Variants in ZNF704 observed in about 807,000 individuals in gnomAD.
The protein encoded by ZNF704 is zinc finger protein 704, also known as glucocorticoid induced gene 1.
In ZNF704, 10 loss-of-function variants were observed where a neutral mutation model predicts 44.7. The ratio of observed to expected loss-of-function variants is 0.22; its 90% CI spans 0.14 to 0.38. ZNF704 has a LOEUF of 0.38. ZNF704 is among the 10% of genes least tolerant of loss of function. The probability of loss-of-function intolerance (pLI) is 1.00; values close to 1 mark genes in which losing one functional copy is unlikely to be tolerated. For synonymous variants in ZNF704, 211 were observed against 207.6 expected, an observed-to-expected ratio of 1.02 and a Z score of -0.14; for missense variants, 390 against 545.5, an observed-to-expected ratio of 0.71 and a Z score of 2.84.
rs1819001486 is a variant in ZNF704, at chr8:80,712,427, A to G, written c.222-19320T>C. ...TATAGACTATTTTTTTTAAAAAGGG[A>G]ATTAGCATGAAATTGAAGGAAACTT... On this transcript the variant is annotated intron_variant, in intron 2 of 8. Coordinates refer to ENST00000327835, the MANE Select transcript of ZNF704 (RefSeq NM_001033723.3). Among the ~76,000 whole-genome samples the G allele has an allele frequency of 3.3e-5, 5 of 152,252 alleles. No homozygotes were observed. The South Asian group carries it at 1.0e-3, about 32-fold the overall frequency.
chr8:80,765,258 C>T (rs1285522425), intron 2 of ZNF704, among the ~76,000 whole-genome samples: 1 of 152,128 alleles, frequency 6.6e-6, no homozygotes, highest in Non-Finnish European at 1.5e-5. Context: ...TTTGTTCTCT[C>T]CAGGCCCCCA....
intron 1 of ZNF704, among the ~76,000 whole-genome samples, chr8:80,845,485 C>G (rs983223322): frequency 1.3e-5 from 2 of 152,212 alleles, no homozygotes; most frequent in African/African-American, 2.4e-5. Context: ...CTGCATCCCT[C>G]TGTTAAGGAC....
chr8:80,667,802 T>C (rs192036262), intron 5 of ZNF704, among the ~76,000 whole-genome samples: 2 of 152,318 alleles, frequency 1.3e-5, no homozygotes, highest in East Asian at 3.9e-4. Context: ...CACATTCTAG[T>C]TGTGTGCATG....
chr8:80,835,437 G>A (rs186511049), intron 1 of ZNF704, among the ~76,000 whole-genome samples: 102 of 152,234 alleles, frequency 6.7e-4, no homozygotes, highest in African/African-American at 2.4e-3. Context: ...ATGATCTTGA[G>A]AGCTTCAATA....
rs539724483 is a variant in ZNF704 at position 80,781,587 on chromosome 8, T to G, written c.221+39787A>C. Reference sequence around the variant, plus strand: ...AGTGCTGCACTTTGCGAATCGCTGCTTTAAATGTTAGGGCTGAGAATTTTC... The same window carrying G: ...AGTGCTGCACTTTGCGAATCGCTGCGTTAAATGTTAGGGCTGAGAATTTTC... On this transcript the variant is annotated intron_variant, in intron 2 of 8. Transcript: ENST00000327835. Among the ~76,000 whole-genome samples the G allele has an allele frequency of 3.3e-5, 5 of 152,356 alleles. No individual in the cohort carries two copies. In the South Asian group the frequency reaches 6.2e-4, roughly 19 times the overall value.
chr8:80,794,344 TCA>T (rs1038762040), intron 2 of ZNF704, among the ~76,000 whole-genome samples: 14 of 152,176 alleles, frequency 9.2e-5, no homozygotes, highest in African/African-American at 3.1e-4. Flanking sequence ...TAGTAATCAT[TCA>T]CAGTTTGATT....
chr8:80,723,958 T>C (rs1806427061), intron 2 of ZNF704, among the ~76,000 whole-genome samples: 1 of 152,246 alleles, frequency 6.6e-6, no homozygotes, highest in South Asian at 2.1e-4. Flanking sequence ...TATTTGGTGG[T>C]GGCTCACACT....
At chr8:80,809,114 A>G (rs115389370) in intron 2 of ZNF704, among the ~76,000 whole-genome samples, 5,147 of 152,280 alleles carry the variant, frequency 0.034, 286 homozygotes, top group African/African-American at 0.12. Flanking sequence ...CAACACGGTG[A>G]AACCCTGTCC....
intron 4 of ZNF704, among the ~76,000 whole-genome samples, chr8:80,675,554 C>T (rs1057142085): frequency 6.6e-6 from 1 of 151,706 alleles, no homozygotes; most frequent in African/African-American, 2.4e-5. Context: ...GAAGTCACTG[C>T]AGGTGAGAAG....
intron 1 of ZNF704, among the ~76,000 whole-genome samples, chr8:80,840,713 A>T (rs1248670101): frequency 6.6e-6 from 1 of 152,148 alleles, no homozygotes; most frequent in Non-Finnish European, 1.5e-5. Context: ...TATTTATTGT[A>T]ACTGATTTCC....
intron 2 of ZNF704, among the ~76,000 whole-genome samples, chr8:80,789,373 A>G (rs891230732): frequency 1.3e-5 from 2 of 152,212 alleles, no homozygotes; most frequent in Non-Finnish European, 2.9e-5. Flanking sequence ...AAGATGAAAC[A>G]TAACTTATAT....
At chr8:80,733,992 GA>G (rs1459254766) in intron 2 of ZNF704, among the ~76,000 whole-genome samples, 1 of 152,160 alleles carries the variant, frequency 6.6e-6, no homozygotes. Flanking sequence ...CTATGGATCT[GA>G]TAGTATAACT....
rs1427103776 is a variant in ZNF704 at position 80,629,627 on chromosome 8, A to G, written c.*11739T>C. 1 of 152,220 alleles carries G rather than the reference A, an allele frequency of 6.6e-6. No individual in the cohort carries two copies. Among genetic ancestry groups the G allele is most frequent in the East Asian group, 1.9e-4 (1 of 5,198 alleles). The allele number at this position is 152,220 out of a possible 1,614,324, so 9.4% of individuals were successfully genotyped here. ...AAATATGAAATCAACAAGAGGGCTGAAGAAATTTGTGGATATTCTATATAG... is the reference window on the plus strand; with the variant it reads ...AAATATGAAATCAACAAGAGGGCTGGAGAAATTTGTGGATATTCTATATAG... On this transcript the variant is annotated 3_prime_UTR_variant, in exon 9 of 9. Transcript: ENST00000327835.
chr8:80,657,564 G>A (rs988842461), intron 7 of ZNF704, among the ~76,000 whole-genome samples: 7 of 151,974 alleles, frequency 4.6e-5, no homozygotes, highest in African/African-American at 1.7e-4. Flanking sequence ...GTGATGGTGT[G>A]CTTCTGTAGT....
intron 2 of ZNF704, among the ~76,000 whole-genome samples, chr8:80,729,920 C>T (rs748087019): frequency 2.6e-5 from 4 of 152,154 alleles, no homozygotes; most frequent in Non-Finnish European, 5.9e-5. Flanking sequence ...TCTGATCAGC[C>T]TTACTGCTGC....
intron 6 of ZNF704, 138 bp from the exon 7 acceptor site, chr8:80,659,827 A>C: frequency 1.4e-6 from 1 of 705,902 alleles, no homozygotes; most frequent in Non-Finnish European, 2.3e-6. Flanking sequence ...ATAGGAAGAG[A>C]TTAAACAAGG....
intron 2 of ZNF704, among the ~76,000 whole-genome samples, chr8:80,709,441 TCAAAAA>T (rs1430036584): frequency 0.14 from 4,650 of 33,292 alleles, 536 homozygotes; most frequent in African/African-American, 0.32. Context: ...AGACTCCATC[TCAAAAA>T]AAAAAAAAAA....
chr8:80,793,270 G>A (rs559331491), intron 2 of ZNF704, among the ~76,000 whole-genome samples: 112 of 152,296 alleles, frequency 7.4e-4, no homozygotes, highest in South Asian at 2.1e-3. Context: ...GAGAAAAAGT[G>A]CGTGTGGAGA....
Position 80,760,670 on chromosome 8 carries a change from A to C in ZNF704, c.221+60704T>G, listed in dbSNP as rs571834569. Among the ~76,000 whole-genome samples, 367 of 151,714 alleles carry C rather than the reference A, an allele frequency of 2.4e-3. 2 individuals carry two copies. Among genetic ancestry groups the C allele is most frequent in the African/African-American group, 8.5e-3 (352 of 41,432 alleles). On this transcript the variant is annotated intron_variant, in intron 2 of 8. Coordinates refer to ENST00000327835, the MANE Select transcript of ZNF704 (RefSeq NM_001033723.3). Reference sequence around the variant, plus strand: ...ACTCCATCTCAAAAAAAAAAAAAAAAAAAACCAAAAAACAAAAAACAAAAC... The same window carrying C: ...ACTCCATCTCAAAAAAAAAAAAAAACAAAACCAAAAAACAAAAAACAAAAC...
Sources: gnomAD v4.1 joint callset for allele counts (sites outside exome capture counted in the v4.1 genomes callset) on GRCh38, gnomAD v4.1.1 for gene constraint, MANE v1.5 for transcripts, NCBI Gene and HGNC (gene_info 2026-07-23, HGNC 2026-07-21) for gene names.